The following ATP2C2 variants were observed in gnomAD, a reference collection of about 807,000 sequenced individuals.
ATP2C2 encodes the protein calcium-transporting ATPase type 2C member 2.
Under a neutral mutation model 110.8 loss-of-function variants are expected in ATP2C2, and 171 were observed. The ratio of observed to expected loss-of-function variants is 1.54; its 90% confidence interval spans 1.36 to 1.75. ATP2C2 has a LOEUF of 1.75. ATP2C2 is among the 40% of genes most tolerant of loss of function. The pLI, the probability that ATP2C2 is intolerant of heterozygous loss-of-function variation, is 0.00. For missense variants in ATP2C2, 1,963 were observed against 1,235.0 expected (o/e 1.59, Z -8.84); for synonymous variants, 804 against 508.4 (o/e 1.58, Z -7.82).
At chr16:84,385,666 G>T (rs1180790430) in intron 1 of ATP2C2, among the ~76,000 whole-genome samples, 1 of 152,192 alleles carries the variant, frequency 6.6e-6, no homozygotes, top group Non-Finnish European at 1.5e-5. Context: ...GTCTGGGGAG[G>T]CCTCAGGAAA....
Position 84,422,433 on chromosome 16 carries a change from C to G in ATP2C2, c.668C>G (p.Ala223Gly), listed in dbSNP as rs762053691. The G allele has an allele frequency of 1.7e-5, 28 of 1,614,016 alleles. No individual in the cohort carries two copies. Among genetic ancestry groups the G allele is most frequent in the Non-Finnish European group, 2.4e-5 (28 of 1,180,028 alleles). The change falls in exon 8 of 27, where the codon GCC becomes GGC. Residue 223 changes from alanine to glycine, a missense_variant. Ala to Gly is a moderately conservative substitution (Grantham distance 60). Coordinates refer to ENST00000262429, the MANE Select transcript of ATP2C2 (RefSeq NM_014861.4). Reference sequence around the variant, plus strand: ...GATGAATCCAGTTTCACCGGGGAAGCCGAGCCATGTAGTAAAACAGACAGC... The same window carrying G: ...GATGAATCCAGTTTCACCGGGGAAGGCGAGCCATGTAGTAAAACAGACAGC... ...LVDESSFTGE[A>G]EPCSKTDSPL...
chr16:84,428,695 TC>T (rs1157187233), intron 11 of ATP2C2, among the ~76,000 whole-genome samples: 1 of 151,952 alleles, frequency 6.6e-6, no homozygotes, highest in African/African-American at 2.4e-5. Flanking sequence ...GTTCATCTCT[TC>T]CCTTAAAGAA....
chr16:84,409,030 G>C (rs1446845415), intron 4 of ATP2C2, among the ~76,000 whole-genome samples: 1 of 152,002 alleles, frequency 6.6e-6, no homozygotes, highest in African/African-American at 2.4e-5. Flanking sequence ...GTCACTTCCT[G>C]TCCCCGCTCC....
chr16:84,460,798 G>A lies in ATP2C2; in HGVS notation c.2478G>A (p.Lys826=), dbSNP rs371302420. 4.3e-6 allele frequency: 7 copies of A among 1,611,544 alleles called. No homozygotes were observed. Among genetic ancestry groups the A allele is most frequent in the South Asian group, 1.1e-5 (1 of 90,922 alleles). ...GCGGGACCCTCTTTATCTTCTGGAA[G>A]GAGGTGAGCGAGGGTCACCCCGGCC... ...IISGTLFIFW[K]EMPEDRASTP... The change falls in exon 24 of 27, where the codon AAG becomes AAA. Residue 826 remains lysine (K), a synonymous_variant. Coordinates refer to ENST00000262429, the MANE Select transcript of ATP2C2 (RefSeq NM_014861.4).
Position 84,453,120 on chromosome 16 carries a change from G to C in ATP2C2, c.1832-18G>C, listed in dbSNP as rs1910448237. On this transcript the variant is annotated intron_variant, in intron 18 of 26. Transcript: ENST00000262429. The stretch of plus-strand genomic sequence containing the variant: ...ACGCGGGCCTCAGAGCAGGCCCTCA[G>C]AACAGGTTCTTCTGAAGGAAGAAAC... 1 of 1,594,122 alleles carries C rather than the reference G, an allele frequency of 6.3e-7. No homozygotes were observed. The highest frequency in any genetic ancestry group is 8.5e-7 in the Non-Finnish European group (1 of 1,170,098).
intron 7 of ATP2C2, among the ~76,000 whole-genome samples, chr16:84,420,585 T>C (rs1907243740): frequency 6.6e-6 from 1 of 152,018 alleles, no homozygotes; most frequent in African/African-American, 2.4e-5. Flanking sequence ...CTGTTTTTAA[T>C]GCCTTAGCTT....
chr16:84,462,282 C>T lies in ATP2C2; in HGVS notation c.2722+153C>T, dbSNP rs1037797222. ...TGTCTTCAGGGCCCTTCTGTCCTCA[C>T]AGGAAGGGACTCTAACGTGGGTGAT... On this transcript the variant is annotated intron_variant, in intron 26 of 26. Coordinates refer to ENST00000262429, the MANE Select transcript of ATP2C2 (RefSeq NM_014861.4). 6.2e-6 allele frequency: 6 copies of T among 966,746 alleles called. No homozygotes were observed. The African/African-American group carries it at 9.8e-5, about 16-fold the overall frequency. The allele number at this position is 966,746 out of a possible 1,614,324, so 59.9% of individuals were successfully genotyped here.
At chr16:84,401,074 G>A (rs1391268487) in intron 2 of ATP2C2, among the ~76,000 whole-genome samples, 1 of 152,102 alleles carries the variant, frequency 6.6e-6, no homozygotes, top group Non-Finnish European at 1.5e-5. Flanking sequence ...TTAACTTGAT[G>A]TGATTCCATT....
intron 9 of ATP2C2, among the ~76,000 whole-genome samples, chr16:84,422,906 C>A (rs1907481239): frequency 6.6e-6 from 1 of 152,082 alleles, no homozygotes; most frequent in Non-Finnish European, 1.5e-5. Context: ...CTCAAGCAAT[C>A]TGTCTGCCTC....
Position 84,421,603 on chromosome 16 carries a change from G to A in ATP2C2, c.625-787G>A, listed in dbSNP as rs548385186. Among the ~76,000 whole-genome samples the A allele has an allele frequency of 1.1e-4, 16 of 152,204 alleles. No homozygotes were observed. In the South Asian group the frequency reaches 2.1e-3, roughly 20 times the overall value. On this transcript the variant is annotated intron_variant, in intron 7 of 26. Coordinates refer to ENST00000262429, the MANE Select transcript of ATP2C2 (RefSeq NM_014861.4). ...ACTCAGAGGTGTCTGGCACGGTTCT[G>A]GCCCTGGGAGCCTCACCTCGGGAGT...
At position 84,382,144 on chromosome 16, in the gene ATP2C2, C is replaced by T. The variant is rs529610527; in HGVS notation, c.99+13430C>T. 9.9e-5 allele frequency among the ~76,000 whole-genome samples: 15 copies of T among 152,268 alleles called. No individual in the cohort carries two copies. In the East Asian group the frequency reaches 2.9e-3, roughly 29 times the overall value. Reference sequence around the variant, plus strand: ...ATGCTATCCCTCCCCTCTCCCCACACCCCCTGACAGGCCCCGGTGTGTGAT... The same window carrying T: ...ATGCTATCCCTCCCCTCTCCCCACATCCCCTGACAGGCCCCGGTGTGTGAT... On this transcript the variant is annotated intron_variant, in intron 1 of 26. Coordinates refer to ENST00000262429, the MANE Select transcript of ATP2C2 (RefSeq NM_014861.4).
chr16:84,462,226 C>T (rs982887659), intron 26 of ATP2C2, 97 bp downstream of exon 26: 77 of 1,490,092 alleles, frequency 5.2e-5, no homozygotes, highest in Admixed American at 6.4e-5. Context: ...GGGGTCAGTG[C>T]GGGAAAGCAG....
intron 1 of ATP2C2, among the ~76,000 whole-genome samples, chr16:84,388,692 C>T (rs1386239953): frequency 6.6e-6 from 1 of 152,216 alleles, no homozygotes; most frequent in Non-Finnish European, 1.5e-5. Context: ...CATTCTGACT[C>T]TTGCATTGAT....
intron 3 of ATP2C2, among the ~76,000 whole-genome samples, chr16:84,406,116 A>G (rs2150520742): frequency 6.6e-6 from 1 of 152,358 alleles, no homozygotes; most frequent in African/African-American, 2.4e-5. Context: ...AGTGCAGAGC[A>G]GTGCAGCCAG....
intron 1 of ATP2C2, among the ~76,000 whole-genome samples, chr16:84,384,964 G>T (rs968535356): frequency 9.8e-5 from 15 of 152,342 alleles, no homozygotes; most frequent in East Asian, 3.9e-4. Context: ...CAGGAGTATA[G>T]TTTGAACCCA....
rs374898399 is a variant in ATP2C2, at chr16:84,389,930, C to A, written c.100-8569C>A. ...TAGAGACAGGGTTTCACCATGTTGG[C>A]CAGGCTGCTTTCGAACTCCTGACCT... is the stretch of plus-strand genomic sequence containing the variant. On this transcript the variant is annotated intron_variant, in intron 1 of 26. Coordinates refer to ENST00000262429, the MANE Select transcript of ATP2C2 (RefSeq NM_014861.4). Among the ~76,000 whole-genome samples, 4 of 152,046 alleles carry A rather than the reference C, an allele frequency of 2.6e-5. No homozygotes were observed. In the East Asian group the frequency reaches 7.7e-4, roughly 29 times the overall value.
At chr16:84,454,495 G>A (rs1410651212) in intron 20 of ATP2C2, among the ~76,000 whole-genome samples, 3 of 151,976 alleles carry the variant, frequency 2.0e-5, no homozygotes, top group Non-Finnish European at 2.9e-5. Context: ...CCGCACTGTT[G>A]ATTACTGTTT....
intron 21 of ATP2C2, 90 bp downstream of exon 21, chr16:84,455,074 G>GC: frequency 6.6e-7 from 1 of 1,521,772 alleles, no homozygotes; most frequent in Non-Finnish European, 8.9e-7. Flanking sequence ...AGATAGAGGG[G>GC]GGGGTCTCGC....
intron 1 of ATP2C2, among the ~76,000 whole-genome samples, chr16:84,380,992 A>T (rs1029912109): frequency 2.3e-4 from 35 of 152,310 alleles, no homozygotes; most frequent in African/African-American, 8.4e-4. Flanking sequence ...CAGCCCGGCC[A>T]ACGTAGTGAA....
Sources: gnomAD v4.1 joint callset for allele counts (sites outside exome capture counted in the v4.1 genomes callset) on GRCh38, gnomAD v4.1.1 for gene constraint, MANE v1.5 for transcripts, NCBI Gene and HGNC (gene_info 2026-07-23, HGNC 2026-07-21) for gene names.